ZNF804B: variants seen among roughly 807,000 people sequenced by gnomAD.
ZNF804B encodes zinc finger 804B.
A neutral mutation model predicts 101.4 loss-of-function variants in ZNF804B; 80 were observed. The ratio of observed to expected loss-of-function variants is 0.79; its 90% CI spans 0.66 to 0.95. ZNF804B has a LOEUF of 0.95. Among genes scored for constraint, ZNF804B ranks in the 40% least tolerant of loss-of-function variants. The probability of loss-of-function intolerance (pLI) is 0.00; values close to 1 mark genes in which losing one functional copy is unlikely to be tolerated. For missense variants in ZNF804B, 1,673 were observed against 1,561.9 expected (o/e 1.07, Z -1.20); for synonymous variants, 622 against 558.8 (o/e 1.11, Z -1.59).
chr7:88,958,543 A>T (rs1328683755), intron 1 of ZNF804B, among the ~76,000 whole-genome samples: 2 of 151,484 alleles, frequency 1.3e-5, no homozygotes, highest in African/African-American at 4.8e-5. Flanking sequence ...CATTTGCCTT[A>T]TGCTGTTGTC....
rs1791839582 is a variant in ZNF804B at position 88,872,332 on chromosome 7, G to A, written c.108+112248G>A. On this transcript the variant is annotated intron_variant, in intron 1 of 3. Transcript: ENST00000333190. ...CTTGGGAGGCCAAGGCAGGAAAATG[G>A]CTTTAACCTAGCAGTTTGAGGCTGC... 1.3e-5 allele frequency among the ~76,000 whole-genome samples: 2 copies of A among 152,076 alleles called. 1 individual carries two copies. The highest frequency in any genetic ancestry group is 2.9e-5 in the Non-Finnish European group (2 of 68,004).
intron 1 of ZNF804B, among the ~76,000 whole-genome samples, chr7:88,950,662 GTT>G (rs68177796): frequency 6.7e-6 from 1 of 149,478 alleles, no homozygotes; most frequent in East Asian, 2.0e-4. Context: ...TAGAAAATAT[GTT>G]TTTTTTTTCT....
At chr7:89,171,225 G>C (rs1016140559) in intron 1 of ZNF804B, among the ~76,000 whole-genome samples, 2 of 152,056 alleles carry the variant, frequency 1.3e-5, no homozygotes, top group African/African-American at 4.8e-5. Flanking sequence ...GGGCATTTAT[G>C]TCTATTACCT....
At chr7:89,207,855 A>G (rs1029745547) in intron 1 of ZNF804B, among the ~76,000 whole-genome samples, 7 of 152,110 alleles carry the variant, frequency 4.6e-5, no homozygotes, top group African/African-American at 1.7e-4. Flanking sequence ...TCAAGAATTC[A>G]CTGTAATTTA....
intron 1 of ZNF804B, among the ~76,000 whole-genome samples, chr7:88,877,050 T>TATAATATATATATAATATATAATATA (rs1491216741): frequency 4.9e-5 from 1 of 20,206 alleles, no homozygotes; most frequent in African/African-American, 3.0e-4. Flanking sequence ...TATATATATA[T>TATAATATATATATAATATATAATATA]TTTTTTTTTT....
intron 1 of ZNF804B, among the ~76,000 whole-genome samples, chr7:88,958,806 A>G (rs910630869): frequency 1.3e-5 from 2 of 151,410 alleles, no homozygotes; most frequent in South Asian, 4.1e-4. Flanking sequence ...ACAAATACAG[A>G]CTAATGATAG....
intron 2 of ZNF804B, among the ~76,000 whole-genome samples, chr7:89,288,854 G>T (rs914235314): frequency 2.6e-5 from 4 of 152,146 alleles, no homozygotes; most frequent in African/African-American, 9.7e-5. Context: ...TATAAAAGAT[G>T]ATTGACTTTT....
At chr7:88,892,901 G>T (rs1792234060) in intron 1 of ZNF804B, among the ~76,000 whole-genome samples, 1 of 152,126 alleles carries the variant, frequency 6.6e-6, no homozygotes, top group Non-Finnish European at 1.5e-5. Context: ...CTCTAAACTT[G>T]TTTAAATGTT....
At chr7:89,247,778 C>T (rs534239116) in intron 2 of ZNF804B, among the ~76,000 whole-genome samples, 1 of 152,106 alleles carries the variant, frequency 6.6e-6, no homozygotes, top group South Asian at 2.1e-4. Context: ...AGAAATGACA[C>T]AAGGAATTCA....
chr7:89,027,745 C>T (rs895888562), intron 1 of ZNF804B, among the ~76,000 whole-genome samples: 13 of 152,106 alleles, frequency 8.5e-5, no homozygotes, highest in African/African-American at 2.9e-4. Flanking sequence ...ACTTTTTGAA[C>T]GGCAAGGCCC....
At chr7:89,108,207 G>A (rs190997183) in intron 1 of ZNF804B, among the ~76,000 whole-genome samples, 1 of 146,604 alleles carries the variant, frequency 6.8e-6, no homozygotes, top group Admixed American at 6.9e-5. Context: ...TAGTTATGAA[G>A]TTATATAATT....
intron 1 of ZNF804B, among the ~76,000 whole-genome samples, chr7:89,085,153 C>A (rs1233651548): frequency 6.6e-6 from 1 of 151,708 alleles, no homozygotes; most frequent in Non-Finnish European, 1.5e-5. Flanking sequence ...CAAATCAAAG[C>A]TCTTTTGAAA....
chr7:89,073,952 A>T (rs970317681), intron 1 of ZNF804B, among the ~76,000 whole-genome samples: 1 of 152,184 alleles, frequency 6.6e-6, no homozygotes, highest in East Asian at 1.9e-4. Flanking sequence ...AGAGCTTGTC[A>T]TAGTACTAAA....
At chr7:89,281,302 G>A (rs1009817893) in intron 2 of ZNF804B, among the ~76,000 whole-genome samples, 2 of 152,116 alleles carry the variant, frequency 1.3e-5, no homozygotes, top group Admixed American at 1.3e-4. Flanking sequence ...TATTTTATGA[G>A]AGAGTCTTAC....
chr7:89,041,055 C>T (rs1789009343), intron 1 of ZNF804B, among the ~76,000 whole-genome samples: 1 of 150,428 alleles, frequency 6.6e-6, no homozygotes, highest in African/African-American at 2.5e-5. Flanking sequence ...TAGGCCTGAA[C>T]CCTGGGTCCA....
In ZNF804B at chr7:89,327,597, C is replaced by A. The variant is rs143572175; in HGVS notation, c.380+123C>A. The A allele has an allele frequency of 3.2e-6, 4 of 1,269,546 alleles. No individual in the cohort carries two copies. In the African/African-American group the frequency reaches 4.7e-5, roughly 15 times the overall value. The allele number at this position is 1,269,546 out of a possible 1,614,324, so 78.6% of individuals were successfully genotyped here. A position where few individuals can be genotyped will look rare whatever the true frequency, so the allele number is the denominator to read the frequency against. ...CTAACTAATAGATATGTCTGAAGGG[C>A]AAATATAGTTAAACATACATAAATT... On this transcript the variant is annotated intron_variant, in intron 3 of 3. Coordinates refer to ENST00000333190, the MANE Select transcript of ZNF804B (RefSeq NM_181646.5).
chr7:88,877,020 ATATATAAT>A (rs1387718332), intron 1 of ZNF804B, among the ~76,000 whole-genome samples: 60 of 71,652 alleles, frequency 8.4e-4, no homozygotes, highest in East Asian at 2.3e-3. Context: ...ATATATATAT[ATATATAAT>A]ATATATATAT....
intron 1 of ZNF804B, among the ~76,000 whole-genome samples, chr7:88,762,700 C>CTTT (rs5885636): frequency 7.0e-6 from 1 of 142,126 alleles, no homozygotes; most frequent in African/African-American, 2.6e-5. Flanking sequence ...GCTACTCTGA[C>CTTT]TTTTTTTTTT....
intron 1 of ZNF804B, among the ~76,000 whole-genome samples, chr7:88,774,450 T>A (rs966389925): frequency 6.6e-6 from 1 of 152,120 alleles, no homozygotes; most frequent in Admixed American, 6.6e-5. Flanking sequence ...CTCTTTTTCA[T>A]TGGGTATCTG....
Sources: allele counts gnomAD v4.1 joint callset (sites outside exome capture counted in the v4.1 genomes callset), GRCh38; gene constraint gnomAD v4.1.1; transcripts MANE v1.5; gene names NCBI Gene and HGNC (gene_info 2026-07-23, HGNC 2026-07-21).